Variants in ASTN2 observed in about 807,000 individuals in gnomAD.
The protein encoded by ASTN2 is astrotactin-2.
Under a neutral mutation model 139.8 loss-of-function variants are expected in ASTN2, and 54 were observed. That is an observed-to-expected ratio of 0.39 (90% CI 0.31 to 0.48). The LOEUF is 0.48. Among genes scored for constraint, ASTN2 ranks in the 20% least tolerant of loss-of-function variants. The pLI, the probability that ASTN2 is intolerant of heterozygous loss-of-function variation, is 0.95. For missense variants in ASTN2, 1,565 were observed against 1,725.1 expected, an observed-to-expected ratio of 0.91 and a Z score of 1.64; for synonymous variants, 756 against 719.5, an observed-to-expected ratio of 1.05 and a Z score of -0.81.
chr9:117,017,668 C>G (rs147288523), intron 6 of ASTN2, among the ~76,000 whole-genome samples: 206 of 152,226 alleles, frequency 1.4e-3, no homozygotes, highest in African/African-American at 4.8e-3. Context: ...TAGTAAAGTT[C>G]CTGGCTAAGG....
chr9:117,004,763 A>T (rs1441132119), intron 7 of ASTN2, among the ~76,000 whole-genome samples: 2 of 152,260 alleles, frequency 1.3e-5, no homozygotes, highest in East Asian at 3.9e-4. Context: ...GAGAAAACAG[A>T]CCAATAACAA....
intron 4 of ASTN2, among the ~76,000 whole-genome samples, chr9:117,110,105 T>A (rs1056669641): frequency 3.3e-5 from 5 of 152,228 alleles, no homozygotes; most frequent in African/African-American, 1.2e-4. Context: ...TTGGTTATAA[T>A]TTTTCATCTT....
In ASTN2 at chr9:117,364,950, A is replaced by AACACACAC. The variant is rs71379275; in HGVS notation, c.442+49539_442+49546dup. Among the ~76,000 whole-genome samples, 228 of 121,534 alleles carry AACACACAC rather than the reference A, an allele frequency of 1.9e-3. 1 individual carries two copies. Among genetic ancestry groups the AACACACAC allele is most frequent in the South Asian group, 6.1e-3 (21 of 3,418 alleles). The allele number at this position is 121,534 out of a possible 152,430, so 79.7% of individuals were successfully genotyped here. A position where few individuals can be genotyped will look rare whatever the true frequency, so the allele number is the denominator to read the frequency against. On this transcript the variant is annotated intron_variant, in intron 1 of 22. Coordinates refer to ENST00000313400, the MANE Select transcript of ASTN2 (RefSeq NM_001365068.1). Reference sequence around the variant, plus strand: ...CAACATAGTGAGACTCCATCTCTACAACACACACACACACACACACACACA... The same window carrying AACACACAC: ...CAACATAGTGAGACTCCATCTCTACAACACACACACACACACACACACACACACACACA...
chr9:117,298,696 ATATG>A (rs1350963034), intron 1 of ASTN2, among the ~76,000 whole-genome samples: 2 of 77,956 alleles, frequency 2.6e-5, no homozygotes, highest in African/African-American at 7.5e-5. Context: ...ATATATGTGC[ATATG>A]TATGTGTGTG....
intron 10 of ASTN2, among the ~76,000 whole-genome samples, chr9:116,889,720 TACACACACACACACACACAC>T (rs9299242): frequency 1.9e-3 from 255 of 136,680 alleles, no homozygotes; most frequent in African/African-American, 6.2e-3. Flanking sequence ...ACCTTGTCTC[TACACACACACACACACACAC>T]ACACACACAC....
intron 2 of ASTN2, among the ~76,000 whole-genome samples, chr9:117,278,448 C>T (rs1000347680): frequency 1.3e-5 from 2 of 152,138 alleles, no homozygotes; most frequent in South Asian, 4.1e-4. Flanking sequence ...AATATTGATT[C>T]TACTTGACTT....
chr9:116,562,486 C>T (rs749197994), intron 19 of ASTN2, among the ~76,000 whole-genome samples: 7 of 151,786 alleles, frequency 4.6e-5, no homozygotes, highest in Non-Finnish European at 8.8e-5. Context: ...TCTGTAATCC[C>T]AGCACTTTGG....
chr9:116,605,002 C>T (rs1051832573), intron 19 of ASTN2, among the ~76,000 whole-genome samples: 1 of 151,242 alleles, frequency 6.6e-6, no homozygotes, highest in African/African-American at 2.4e-5. Flanking sequence ...AAGCAAAGGT[C>T]AGCTGAGACA....
intron 16 of ASTN2, among the ~76,000 whole-genome samples, chr9:116,672,229 G>A (rs1859240343): frequency 6.6e-6 from 1 of 151,926 alleles, no homozygotes; most frequent in African/African-American, 2.4e-5. Context: ...ACCTAGGCAT[G>A]GTGGCATGAG....
chr9:116,635,209 C>A (rs543096292), intron 17 of ASTN2, among the ~76,000 whole-genome samples: 1 of 152,294 alleles, frequency 6.6e-6, no homozygotes, highest in East Asian at 1.9e-4. Flanking sequence ...ATATAACATT[C>A]AGAGCCACCC....
intron 19 of ASTN2, chr9:116,583,304 C>A (rs1485477535): frequency 6.6e-6 from 1 of 152,176 alleles, no homozygotes; most frequent in African/African-American, 2.4e-5. Context: ...AGTTTTTCAA[C>A]AACAGGTTAA....
In ASTN2 at chr9:117,394,163, C is replaced by A. The variant is rs1300515473; in HGVS notation, c.442+20334G>T. On this transcript the variant is annotated intron_variant, in intron 1 of 22. Transcript: ENST00000313400. The stretch of plus-strand genomic sequence containing the variant: ...CCAACATTAATTGGTAGCACCTATT[C>A]AATAACAGATTCTGTACCAGGCAAC... Among the ~76,000 whole-genome samples the A allele has an allele frequency of 4.6e-5, 7 of 152,114 alleles. No homozygotes were observed. In the East Asian group the frequency reaches 1.3e-3, roughly 29 times the overall value.
Position 116,809,991 on chromosome 9 carries a change from AT to A in ASTN2, c.2208-4172del, listed in dbSNP as rs538369245. ...TTTTCAAGCTGCCTCTTCCCTTGTT[AT>A]GGCAAGCTTGGAGACCATGCGTTCC... is the stretch of plus-strand genomic sequence containing the variant. On this transcript the variant is annotated intron_variant, in intron 12 of 22. Transcript: ENST00000313400. Among the ~76,000 whole-genome samples the A allele has an allele frequency of 2.5e-3, 388 of 152,306 alleles. 2 individuals are homozygous for A. Among genetic ancestry groups the A allele is most frequent in the African/African-American group, 9.2e-3 (381 of 41,572 alleles).
intron 13 of ASTN2, among the ~76,000 whole-genome samples, chr9:116,780,418 A>G (rs1232493242): frequency 6.6e-6 from 1 of 151,974 alleles, no homozygotes; most frequent in Non-Finnish European, 1.5e-5. Flanking sequence ...GCTCTTAACC[A>G]CTCTGCTGTA....
At chr9:116,455,044 A>T (rs1211897073) in intron 20 of ASTN2, among the ~76,000 whole-genome samples, 2 of 152,044 alleles carry the variant, frequency 1.3e-5, no homozygotes, top group South Asian at 2.1e-4. Flanking sequence ...TAATAATAAA[A>T]AAAAAAAAGG....
chr9:116,842,816 G>T (rs1284282538), intron 11 of ASTN2, among the ~76,000 whole-genome samples: 2 of 151,908 alleles, frequency 1.3e-5, no homozygotes, highest in Non-Finnish European at 2.9e-5. Context: ...GCAGCTGCAG[G>T]CACCACCAGG....
rs1366828827 is a variant in ASTN2, at chr9:116,729,029, G to A, written c.2589C>T (p.Leu863=). 1 of 1,583,862 alleles carries A rather than the reference G, an allele frequency of 6.3e-7. No homozygotes were observed. Among genetic ancestry groups the A allele is most frequent in the Non-Finnish European group, 8.6e-7 (1 of 1,163,996 alleles). The change falls in exon 15 of 23, where the codon CTC becomes CTT. Residue 863 remains leucine (L), a synonymous_variant. Coordinates refer to ENST00000313400, the MANE Select transcript of ASTN2 (RefSeq NM_001365068.1). ...TGATGGTGCTGAGCTTCACACGGTAGAGGTTGCTCCGGACCCGCCACTGCT... is the reference window on the plus strand; with the variant it reads ...TGATGGTGCTGAGCTTCACACGGTAAAGGTTGCTCCGGACCCGCCACTGCT... ...MVQQWRVRSN[L]YRVKLSTITL...
Position 116,844,276 on chromosome 9 carries a change from ATTC to A in ASTN2, c.2040+19304_2040+19306del, listed in dbSNP as rs1202596006. Among the ~76,000 whole-genome samples, 6 of 152,268 alleles carry A rather than the reference ATTC, an allele frequency of 3.9e-5. No homozygotes were observed. In the East Asian group the frequency reaches 1.2e-3, roughly 29 times the overall value. ...GTTTTCTTTTTCTCCCATGTTCATT[ATTC>A]TTCTCCTAGCACAAGCTTTATTCTG... is the stretch of plus-strand genomic sequence containing the variant. On this transcript the variant is annotated intron_variant, in intron 11 of 22. Coordinates refer to ENST00000313400, the MANE Select transcript of ASTN2 (RefSeq NM_001365068.1).
intron 2 of ASTN2, among the ~76,000 whole-genome samples, chr9:117,221,529 C>T (rs1280017572): frequency 6.6e-6 from 1 of 152,204 alleles, no homozygotes; most frequent in African/African-American, 2.4e-5. Flanking sequence ...ATTTGGTATT[C>T]TAAGACTGGA....
Sources: gnomAD v4.1 joint callset for allele counts (sites outside exome capture counted in the v4.1 genomes callset) on GRCh38, gnomAD v4.1.1 for gene constraint, MANE v1.5 for transcripts, NCBI Gene and HGNC (gene_info 2026-07-23, HGNC 2026-07-21) for gene names.